The following STK10 variants were observed in gnomAD, a reference collection of about 807,000 sequenced individuals.
STK10 encodes serine/threonine kinase 10.
In STK10, 78 loss-of-function variants were observed where a neutral mutation model predicts 113.8. The observed-to-expected ratio is 0.69, with a 90% CI of 0.57 to 0.83. The LOEUF is 0.83. Ranked by LOEUF, STK10 falls within the 40% of genes least tolerant of loss-of-function variation. STK10 has a pLI of 0.00. For missense variants in STK10, 1,109 were observed against 1,280.1 expected (o/e 0.87, Z 2.04); for synonymous variants, 465 against 494.7 (o/e 0.94, Z 0.80).
rs1187277219 is a variant in STK10 at position 172,055,621 on chromosome 5, GC to G, written c.2492del (p.Gly831AlafsTer47). The G allele has an allele frequency of 1.9e-6, 3 of 1,550,956 alleles. No individual in the cohort carries two copies. The highest frequency in any genetic ancestry group is 1.9e-5 in the Admixed American group (1 of 52,258). On this transcript the variant is annotated frameshift_variant, in exon 16 of 19. Coordinates refer to ENST00000176763, the MANE Select transcript of STK10 (RefSeq NM_005990.4). LOFTEE classifies it high-confidence loss of function. ...YKKSLHINGG[G>X]SAAEQREKIK... ...TCTTCTCACGCTGCTCAGCTGCGCT[GC>G]CCCCGCCGTTGATGTGGAGGCTCTT...
intron 1 of STK10, among the ~76,000 whole-genome samples, chr5:172,179,269 G>A (rs1770809960): frequency 6.6e-6 from 1 of 152,108 alleles, no homozygotes; most frequent in Non-Finnish European, 1.5e-5. Context: ...GGAGGAGGTG[G>A]TCACCTATTT....
chr5:172,093,421 C>G lies in STK10; in HGVS notation c.1545G>C (p.Leu515=). ...DLSLNKEMGS[L]SIKDPKLYKK... ...GCAGAGGCGGTGTTACCTTGATGGA[C>G]AGAGAGCCCATCTCTTTGTTCAGCG... The change falls in exon 9 of 19, where the codon CTG becomes CTC. Residue 515 remains leucine (L), a synonymous_variant. Transcript: ENST00000176763. The surrounding 1 kb of genome is among the most constrained non-coding windows in gnomAD (Gnocchi z 4.1). 6.3e-7 allele frequency: 1 copy of G among 1,594,696 alleles called. No homozygotes were observed. The highest frequency in any genetic ancestry group is 2.3e-5 in the East Asian group (1 of 44,376).
chr5:172,092,273 AG>A (rs1313586663), intron 9 of STK10, among the ~76,000 whole-genome samples: 1 of 152,192 alleles, frequency 6.6e-6, no homozygotes, highest in African/African-American at 2.4e-5. Context: ...TAGTCACGCC[AG>A]GGGGTGCCGG....
At chr5:172,060,724 C>T (rs534103410) in intron 14 of STK10, among the ~76,000 whole-genome samples, 1 of 152,318 alleles carries the variant, frequency 6.6e-6, no homozygotes, top group Admixed American at 6.5e-5. Flanking sequence ...TCAGTTTCCT[C>T]ATCTACAGAA....
At chr5:172,086,926 T>C (rs1406139624) in intron 10 of STK10, among the ~76,000 whole-genome samples, 1 of 152,194 alleles carries the variant, frequency 6.6e-6, no homozygotes, top group African/African-American at 2.4e-5. Context: ...CCATGGGGTG[T>C]GGCCAATCTA....
intron 12 of STK10, among the ~76,000 whole-genome samples, chr5:172,073,875 G>C (rs1768252308): frequency 6.6e-6 from 1 of 150,812 alleles, no homozygotes; most frequent in Non-Finnish European, 1.5e-5. Context: ...TGAGGCAAGA[G>C]AAACGCTTGA....
chr5:172,071,273 C>T (rs370010760), intron 12 of STK10, among the ~76,000 whole-genome samples: 1 of 18,112 alleles, frequency 5.5e-5, no homozygotes, highest in Non-Finnish European at 1.2e-4. Flanking sequence ...GGCCATGTAA[C>T]AATGAAAAGT....
intron 1 of STK10, among the ~76,000 whole-genome samples, chr5:172,158,360 T>C (rs931540487): frequency 1.3e-5 from 2 of 151,740 alleles, no homozygotes; most frequent in Admixed American, 6.6e-5. Context: ...ACAATCCAAG[T>C]GTCCATCAAT....
chr5:172,097,439 A>G (rs1194710469), intron 7 of STK10, among the ~76,000 whole-genome samples: 1 of 152,204 alleles, frequency 6.6e-6, no homozygotes, highest in African/African-American at 2.4e-5. Flanking sequence ...CTCCCTTGGC[A>G]GGCAACCCCA....
In STK10 at chr5:172,109,076, C is replaced by T. The variant is rs116749112; in HGVS notation, c.521-1224G>A. Among the ~76,000 whole-genome samples, 759 of 152,136 alleles carry T rather than the reference C, an allele frequency of 5.0e-3. 5 individuals are homozygous for T. Among genetic ancestry groups the T allele is most frequent in the African/African-American group, 0.017 (720 of 41,536 alleles). On this transcript the variant is annotated intron_variant, in intron 4 of 18. Transcript: ENST00000176763. ...CTGGGATTATAGGCGTGAGCCACTG[C>T]GCCCGGCCTTACTGATTACTATTTA... is the stretch of plus-strand genomic sequence containing the variant.
chr5:172,101,169 G>A (rs1768981169), intron 7 of STK10, among the ~76,000 whole-genome samples: 1 of 152,140 alleles, frequency 6.6e-6, no homozygotes, highest in Non-Finnish European at 1.5e-5. Context: ...CAGTTTGTTA[G>A]GTAAAAATAA....
intron 18 of STK10, among the ~76,000 whole-genome samples, chr5:172,047,899 G>GTTTTTTTT (rs11438537): frequency 9.1e-6 from 1 of 109,802 alleles, no homozygotes; most frequent in Non-Finnish European, 1.8e-5. Context: ...TGTTTTTTGG[G>GTTTTTTTT]TTTTTTTTTT....
intron 2 of STK10, among the ~76,000 whole-genome samples, chr5:172,148,529 T>C (rs1770135271): frequency 1.3e-5 from 2 of 152,206 alleles, no homozygotes; most frequent in South Asian, 2.1e-4. Flanking sequence ...CCCTCAGTTA[T>C]CCACCTGCTG....
chr5:172,081,373 A>G (rs940621813), intron 12 of STK10, among the ~76,000 whole-genome samples: 3 of 148,790 alleles, frequency 2.0e-5, no homozygotes, highest in African/African-American at 7.5e-5. Flanking sequence ...AAAAAAAAAA[A>G]TCAGGCTAAA....
chr5:172,174,046 G>A (rs534319212), intron 1 of STK10, among the ~76,000 whole-genome samples: 32 of 152,250 alleles, frequency 2.1e-4, no homozygotes, highest in African/African-American at 7.0e-4. Context: ...ACCACAATGC[G>A]GCCTCCCGAG....
At chr5:172,059,872 G>C (rs1018206466) in intron 14 of STK10, among the ~76,000 whole-genome samples, 1 of 152,112 alleles carries the variant, frequency 6.6e-6, no homozygotes, top group African/African-American at 2.4e-5. Context: ...GAAATCCCTT[G>C]AACTCCCAAC....
chr5:172,090,378 CATT>C lies in STK10; in HGVS notation c.1555-19_1555-17del, dbSNP rs1329621159. 6.2e-7 allele frequency: 1 copy of C among 1,612,298 alleles called. No homozygotes were observed. Among genetic ancestry groups the C allele is most frequent in the Non-Finnish European group, 8.5e-7 (1 of 1,178,936 alleles). On this transcript the variant is annotated splice_polypyrimidine_tract_variant and intron_variant, in intron 9 of 18. Coordinates refer to ENST00000176763, the MANE Select transcript of STK10 (RefSeq NM_005990.4). ...GTTTCGGGTCCTGGCCAGGGAAAAC[CATT>C]AGACAAGTCTCAGCATTTCAGCTAA...
At chr5:172,128,372 G>A (rs1769674212) in intron 2 of STK10, among the ~76,000 whole-genome samples, 1 of 126,260 alleles carries the variant, frequency 7.9e-6, no homozygotes, top group East Asian at 2.2e-4. Context: ...ACAGACTCTC[G>A]CTCTTGTCAC....
chr5:172,146,898 C>T (rs986204958), intron 2 of STK10, among the ~76,000 whole-genome samples: 2 of 152,292 alleles, frequency 1.3e-5, no homozygotes, highest in Middle Eastern at 3.4e-3. Flanking sequence ...GATTCAATTC[C>T]GACACTATCT....
Sources: allele counts gnomAD v4.1 joint callset (sites outside exome capture counted in the v4.1 genomes callset), GRCh38; gene constraint gnomAD v4.1.1; non-coding constraint Gnocchi (gnomAD v3.1); transcripts MANE v1.5; gene names NCBI Gene and HGNC (gene_info 2026-07-23, HGNC 2026-07-21).